Variants in EML6 observed in about 807,000 individuals in gnomAD.
The protein encoded by EML6 is echinoderm microtubule-associated protein-like 6.
In EML6, 154 loss-of-function variants were observed where a neutral mutation model predicts 240.1. The observed-to-expected ratio is 0.64, with a 90% CI of 0.56 to 0.73. The LOEUF is 0.73. Among genes scored for constraint, EML6 ranks in the 30% least tolerant of loss-of-function variants. EML6 has a pLI of 0.00. For synonymous variants in EML6, 1,148 were observed against 899.0 expected (o/e 1.28, Z -4.95); for missense variants, 2,964 against 2,474.6 (o/e 1.20, Z -4.20).
intron 2 of EML6, among the ~76,000 whole-genome samples, chr2:54,796,320 C>G (rs573025291): frequency 1.4e-4 from 22 of 152,186 alleles, no homozygotes; most frequent in Non-Finnish European, 2.5e-4. Context: ...ACTCATTACT[C>G]TCAAAATAAC....
At chr2:54,815,515 G>A (rs1033824477) in intron 3 of EML6, among the ~76,000 whole-genome samples, 1 of 152,066 alleles carries the variant, frequency 6.6e-6, no homozygotes, top group Non-Finnish European at 1.5e-5. Context: ...AGGAAATGTG[G>A]GTTTTACTTC....
intron 2 of EML6, among the ~76,000 whole-genome samples, chr2:54,773,108 G>C (rs1668464481): frequency 6.6e-6 from 1 of 152,252 alleles, no homozygotes; most frequent in South Asian, 2.1e-4. Context: ...AGCTGCCTCA[G>C]GAGTGCCAGC....
intron 17 of EML6, chr2:54,882,615 T>G (rs985255641): frequency 1.3e-5 from 2 of 151,590 alleles, no homozygotes; most frequent in Non-Finnish European, 1.5e-5. Context: ...TCCCAGCACT[T>G]TGGGAGACCA....
chr2:54,953,901 AAG>A, intron 31 of EML6, 80 bp from the exon 32 acceptor site: 4 of 1,174,866 alleles, frequency 3.4e-6, no homozygotes, highest in Non-Finnish European at 3.5e-6. Flanking sequence ...AAAAAAAAAA[AAG>A]GCTTTTACAT....
At chr2:54,945,806 G>A (rs4525734) in intron 28 of EML6, among the ~76,000 whole-genome samples, 1 of 152,104 alleles carries the variant, frequency 6.6e-6, no homozygotes. Flanking sequence ...GTCAGGATAA[G>A]ACTCCCCACA....
chr2:54,753,825 C>T (rs1684280971), intron 2 of EML6, among the ~76,000 whole-genome samples: 1 of 151,818 alleles, frequency 6.6e-6, no homozygotes, highest in Non-Finnish European at 1.5e-5. Flanking sequence ...GTGCACATCA[C>T]CATGTCTGGC....
intron 26 of EML6, among the ~76,000 whole-genome samples, chr2:54,925,762 G>C (rs1674511803): frequency 1.3e-5 from 2 of 152,170 alleles, no homozygotes; most frequent in South Asian, 4.1e-4. Context: ...CCATGGACCA[G>C]AAAACCAAAT....
At chr2:54,911,269 T>A (rs1673623807) in intron 25 of EML6, among the ~76,000 whole-genome samples, 1 of 152,234 alleles carries the variant, frequency 6.6e-6, no homozygotes, top group Non-Finnish European at 1.5e-5. Flanking sequence ...GCTTAATTTT[T>A]CTCTGCCTGA....
intron 39 of EML6, 110 bp from the exon 40 acceptor site, chr2:54,968,018 C>G (rs1676824666): frequency 2.7e-6 from 3 of 1,099,426 alleles, no homozygotes; most frequent in African/African-American, 1.6e-5. Context: ...TGTTGGGGAC[C>G]CCTGATGTTA....
At position 54,844,048 on chromosome 2, in the gene EML6, C is replaced by T. The variant is rs562534933; in HGVS notation, c.849C>T (p.Gly283=). 2 of 1,521,232 alleles carry T rather than the reference C, an allele frequency of 1.3e-6. No individual in the cohort carries two copies. Among genetic ancestry groups the T allele is most frequent in the Admixed American group, 2.0e-5 (1 of 49,418 alleles). 94.2% of individuals were successfully genotyped at this position (1,521,232 alleles called of 1,614,324 possible). ...TTTTGTTTTACTTATTTTTGTCAGG[C>T]CTCTCTATCCGGAGCGTGTGCTGGA... ...DLRETEQGYK[G]LSIRSVCWKA... Residue 283 remains glycine (G), a splice_region_variant and synonymous_variant, in exon 8 of 42, where the codon GGC becomes GGT. Coordinates refer to ENST00000356458, the MANE Select transcript of EML6 (RefSeq NM_001039753.4).
At chr2:54,888,789 C>T (rs2104067734) in intron 17 of EML6, among the ~76,000 whole-genome samples, 1 of 152,288 alleles carries the variant, frequency 6.6e-6, no homozygotes, top group Admixed American at 6.5e-5. Flanking sequence ...TATGTTGCTG[C>T]CACATTTTGA....
chr2:54,929,157 C>T (rs1323467760), intron 28 of EML6, among the ~76,000 whole-genome samples: 3 of 152,310 alleles, frequency 2.0e-5, no homozygotes, highest in East Asian at 1.9e-4. Flanking sequence ...TTGTGAAAAA[C>T]CATCTTCCAT....
intron 17 of EML6, among the ~76,000 whole-genome samples, chr2:54,887,295 T>A (rs1672201168): frequency 6.6e-6 from 1 of 152,234 alleles, no homozygotes; most frequent in South Asian, 2.1e-4. Flanking sequence ...AGTGGCAATT[T>A]TCTAATTTTA....
At chr2:54,912,442 A>G (rs1006160965) in intron 25 of EML6, among the ~76,000 whole-genome samples, 4 of 152,206 alleles carry the variant, frequency 2.6e-5, no homozygotes, top group Non-Finnish European at 5.9e-5. Flanking sequence ...ATTCGGGGAT[A>G]CATGCATAGG....
chr2:54,906,549 G>A (rs1490807956), intron 24 of EML6, among the ~76,000 whole-genome samples: 7 of 152,196 alleles, frequency 4.6e-5, no homozygotes. Context: ...CAGGAGAGGA[G>A]TGGAGTCAAA....
chr2:54,895,633 C>T (rs899789480), intron 21 of EML6, among the ~76,000 whole-genome samples: 1 of 152,208 alleles, frequency 6.6e-6, no homozygotes, highest in Non-Finnish European at 1.5e-5. Context: ...CACAGCTTAA[C>T]TGGATCTTCT....
intron 38 of EML6, among the ~76,000 whole-genome samples, chr2:54,966,485 A>G (rs560669882): frequency 6.6e-6 from 1 of 152,360 alleles, no homozygotes; most frequent in Non-Finnish European, 1.5e-5. Flanking sequence ...AGACTCCCAG[A>G]GCACCGAGGT....
intron 2 of EML6, among the ~76,000 whole-genome samples, chr2:54,805,780 C>G (rs1670437899): frequency 6.6e-6 from 1 of 152,018 alleles, no homozygotes; most frequent in Admixed American, 6.5e-5. Context: ...ATATTTTTTT[C>G]TATCAATTAC....
intron 33 of EML6, 23 bp downstream of exon 33, chr2:54,958,021 T>G: frequency 6.5e-7 from 1 of 1,535,074 alleles, no homozygotes. Context: ...AGATACTCCC[T>G]GAGAAGGGGA....
Sources: gnomAD v4.1 joint callset for allele counts (sites outside exome capture counted in the v4.1 genomes callset) on GRCh38, gnomAD v4.1.1 for gene constraint, MANE v1.5 for transcripts, NCBI Gene and HGNC (gene_info 2026-07-23, HGNC 2026-07-21) for gene names.